Variants in MYO18A observed in about 807,000 individuals in gnomAD.
MYO18A encodes the protein unconventional myosin-XVIIIa.
In MYO18A, 78 loss-of-function variants were observed where a neutral mutation model predicts 235.8. The observed-to-expected ratio is 0.33, with a 90% CI of 0.28 to 0.40. The LOEUF (loss-of-function observed/expected upper bound fraction) is 0.40. MYO18A is among the 10% of genes least tolerant of loss of function. The pLI is 1.00. For missense variants in MYO18A, 2,215 were observed against 2,699.3 expected, an observed-to-expected ratio of 0.82 and a Z score of 3.98; for synonymous variants, 977 against 1,077.8, an observed-to-expected ratio of 0.91 and a Z score of 1.83.
chr17:29,078,963 G>A (rs2066050996), intron 41 of MYO18A: 1 of 152,508 alleles, frequency 6.6e-6, no homozygotes, highest in Admixed American at 6.5e-5. Context: ...GGCATCTCCT[G>A]GGTCTGCTGT....
In MYO18A at chr17:29,079,853, G is replaced by A. The variant is rs1173302531; in HGVS notation, c.6020+2463C>T. 5 of 985,980 alleles carry A rather than the reference G, an allele frequency of 5.1e-6. No individual in the cohort carries two copies. In the East Asian group the frequency reaches 3.4e-4, roughly 67 times the overall value. 61.1% of individuals were successfully genotyped at this position (985,980 alleles called of 1,614,324 possible). ...CCAGTTTCTTCACTTTCTGCAGCTG[G>A]GCCCTTCTTCACACTGGAGCAGCTG... On this transcript the variant is annotated intron_variant, in intron 41 of 41. Transcript: ENST00000527372.
intron 2 of MYO18A, chr17:29,124,522 C>T (rs2067274070): frequency 5.2e-6 from 3 of 578,940 alleles, no homozygotes; most frequent in Non-Finnish European, 7.3e-6. Context: ...AGGGTGGGAG[C>T]CTGGAGGGGA....
intron 14 of MYO18A, chr17:29,114,304 A>C: frequency 1.8e-6 from 1 of 551,546 alleles, no homozygotes; most frequent in Non-Finnish European, 3.2e-6. Context: ...ACCTCTTTTT[A>C]TCCGAAGCCA....
intron 26 of MYO18A, 98 bp downstream of exon 26, chr17:29,097,690 A>AG: frequency 9.8e-7 from 1 of 1,023,594 alleles, no homozygotes; most frequent in Non-Finnish European, 1.5e-6. Flanking sequence ...AGCCCCATGG[A>AG]GGGGAGACAG....
intron 2 of MYO18A, among the ~76,000 whole-genome samples, chr17:29,134,484 C>A (rs1329358005): frequency 1.3e-5 from 2 of 152,180 alleles, no homozygotes; most frequent in Admixed American, 1.3e-4. Context: ...ATGTCTGGCA[C>A]CTTAGGAGTC....
intron 2 of MYO18A, among the ~76,000 whole-genome samples, chr17:29,148,580 TTTTGTG>T (rs1567632750): frequency 8.8e-6 from 1 of 113,932 alleles, no homozygotes; most frequent in Admixed American, 8.0e-5. Context: ...TCCTTTATTC[TTTTGTG>T]TGTGTGTGTG....
chr17:29,154,522 A>T (rs2068026030), intron 2 of MYO18A, among the ~76,000 whole-genome samples: 1 of 152,170 alleles, frequency 6.6e-6, no homozygotes. Flanking sequence ...TTTGCTGGTC[A>T]CCGATTCCAG....
chr17:29,091,880 G>A, intron 34 of MYO18A: 2 of 324,048 alleles, frequency 6.2e-6, no homozygotes, highest in Non-Finnish European at 1.2e-5. Flanking sequence ...GGCCGTGGGA[G>A]AGGTGGGAAA....
intron 2 of MYO18A, among the ~76,000 whole-genome samples, chr17:29,129,436 C>T (rs954008902): frequency 1.3e-5 from 2 of 152,208 alleles, no homozygotes; most frequent in African/African-American, 2.4e-5. Flanking sequence ...TTCCCCCACA[C>T]ACTGGTGCTA....
chr17:29,081,092 G>T, intron 41 of MYO18A: 1 of 737,610 alleles, frequency 1.4e-6, no homozygotes, highest in Non-Finnish European at 1.7e-6. Context: ...AGAGGAACAA[G>T]TATTAAACTC....
chr17:29,090,210 T>G, intron 36 of MYO18A, 112 bp from the exon 37 acceptor site: 2 of 1,246,282 alleles, frequency 1.6e-6, no homozygotes, highest in Non-Finnish European at 2.2e-6. Context: ...GAGGGAGGGA[T>G]GCACCTGGGA....
chr17:29,176,515 T>C (rs1598407070), intron 1 of MYO18A: 1 of 97,544 alleles, frequency 1.0e-5, no homozygotes, highest in South Asian at 3.7e-4. Flanking sequence ...CACTCATAAA[T>C]AAATACAAAG....
At chr17:29,150,459 T>C (rs987389612) in intron 2 of MYO18A, among the ~76,000 whole-genome samples, 1 of 152,244 alleles carries the variant, frequency 6.6e-6, no homozygotes, top group African/African-American at 2.4e-5. Context: ...GCATTAGGAT[T>C]CCAGAGCTGG....
Position 29,122,266 on chromosome 17 carries a change from G to C in MYO18A, c.1000-13C>G. The C allele has an allele frequency of 1.2e-6, 2 of 1,605,998 alleles. No homozygotes were observed. Among genetic ancestry groups the C allele is most frequent in the Non-Finnish European group, 8.5e-7 (1 of 1,176,076 alleles). On this transcript the variant is annotated splice_polypyrimidine_tract_variant and intron_variant, in intron 2 of 41. Coordinates refer to ENST00000527372, the MANE Select transcript of MYO18A (RefSeq NM_078471.4). ...CTTCTGTTTTCGCCTGTCAGAGAGA[G>C]AGAAGAATAAACAGGCCCTGCTATG...
chr17:29,149,982 C>T (rs1409284778), intron 2 of MYO18A, among the ~76,000 whole-genome samples: 1 of 152,180 alleles, frequency 6.6e-6, no homozygotes, highest in Non-Finnish European at 1.5e-5. Flanking sequence ...CAACTCTTCT[C>T]CATTTCCACA....
intron 38 of MYO18A, 149 bp downstream of exon 38, chr17:29,086,787 C>T: frequency 1.7e-6 from 2 of 1,153,964 alleles, no homozygotes; most frequent in Non-Finnish European, 2.4e-6. Flanking sequence ...TCCTGGCCTG[C>T]CCTCTTGATA....
chr17:29,121,804 T>C lies in MYO18A; in HGVS notation c.1194+47A>G. The C allele has an allele frequency of 6.2e-7, 1 of 1,611,638 alleles. No homozygotes were observed. Among genetic ancestry groups the C allele is most frequent in the East Asian group, 2.2e-5 (1 of 44,848 alleles). On this transcript the variant is annotated intron_variant, in intron 4 of 41. Transcript: ENST00000527372. The surrounding 1 kb of genome is among the most constrained non-coding windows in gnomAD (Gnocchi z 4.2). ...CAGAGGATGGGCCTGCCCTGCCCAG[T>C]GCACTCCTGAGCCTCCTCCCCCACA...
At chr17:29,098,682 C>A in intron 23 of MYO18A, 144 bp downstream of exon 23, 1 of 1,246,470 alleles carries the variant, frequency 8.0e-7, no homozygotes, top group Non-Finnish European at 1.1e-6. Flanking sequence ...TCAGCCAGCA[C>A]CCCAGAGGGA....
intron 2 of MYO18A, among the ~76,000 whole-genome samples, chr17:29,148,657 G>A (rs1265026170): frequency 2.0e-5 from 3 of 151,790 alleles, no homozygotes; most frequent in Non-Finnish European, 4.4e-5. Flanking sequence ...AGTAGTGTTA[G>A]GAGACAGCGA....
Sources: gnomAD v4.1 joint callset for allele counts (sites outside exome capture counted in the v4.1 genomes callset) on GRCh38, gnomAD v4.1.1 for gene constraint, Gnocchi (gnomAD v3.1) non-coding constraint, MANE v1.5 for transcripts, NCBI Gene and HGNC (gene_info 2026-07-23, HGNC 2026-07-21) for gene names.